DLGAP2: variants seen among roughly 807,000 people sequenced by gnomAD.
The protein encoded by DLGAP2 is DLG associated protein 2, also known as disks large-associated protein 2.
Under a neutral mutation model 100.3 loss-of-function variants are expected in DLGAP2, and 26 were observed. The observed-to-expected ratio is 0.26, with a 90% confidence interval of 0.19 to 0.36. The LOEUF (loss-of-function observed/expected upper bound fraction) is 0.36, where lower values mean the gene tolerates loss of function less well. Among genes scored for constraint, DLGAP2 ranks in the 10% least tolerant of loss-of-function variants. The pLI, the probability that DLGAP2 is intolerant of heterozygous loss-of-function variation, is 1.00. For missense variants in DLGAP2, 1,858 were observed against 1,453.2 expected, an observed-to-expected ratio of 1.28 and a Z score of -4.53; for synonymous variants, 886 against 630.1, an observed-to-expected ratio of 1.41 and a Z score of -6.08.
intron 2 of DLGAP2, among the ~76,000 whole-genome samples, chr8:1,236,290 G>GCCGTGTCTAGTTCTCTCACATGGCA: frequency 2.3e-5 from 1 of 43,756 alleles, no homozygotes; most frequent in Admixed American, 2.4e-4. Context: ...CTCACATGGC[G>GCCGTGTCTAGTTCTCTCACATGGCA]CCGTGTCTAG....
At chr8:1,047,249 TG>T (rs1240210548) in intron 2 of DLGAP2, among the ~76,000 whole-genome samples, 1 of 152,224 alleles carries the variant, frequency 6.6e-6, no homozygotes, top group African/African-American at 2.4e-5. Flanking sequence ...ATGCAACCTT[TG>T]CGGTCTGGTT....
chr8:968,035 T>C (rs1008365560), intron 2 of DLGAP2, among the ~76,000 whole-genome samples: 1 of 151,322 alleles, frequency 6.6e-6, no homozygotes, highest in Admixed American at 6.6e-5. Context: ...TTTGCCCTCA[T>C]GCTGACACAG....
chr8:1,560,543 C>T (rs953158980), intron 5 of DLGAP2, among the ~76,000 whole-genome samples: 3 of 152,222 alleles, frequency 2.0e-5, no homozygotes, highest in Admixed American at 6.5e-5. Context: ...GCTGCATTGT[C>T]TTGGGGAAGC....
chr8:1,630,307 G>A (rs544181864), intron 7 of DLGAP2, among the ~76,000 whole-genome samples: 1 of 152,170 alleles, frequency 6.6e-6, no homozygotes, highest in Non-Finnish European at 1.5e-5. Context: ...AATTCTGGAA[G>A]GAAGGGGACA....
chr8:1,009,128 G>T (rs1219479604), intron 2 of DLGAP2, among the ~76,000 whole-genome samples: 2 of 152,202 alleles, frequency 1.3e-5, no homozygotes, highest in Admixed American at 1.3e-4. Context: ...GTGGCCGAGG[G>T]TGGTGTTCCT....
intron 2 of DLGAP2, among the ~76,000 whole-genome samples, chr8:1,079,060 C>T (rs538445833): frequency 2.0e-5 from 3 of 152,332 alleles, no homozygotes; most frequent in Non-Finnish European, 2.9e-5. Flanking sequence ...TCCTCACCAG[C>T]GTTTCATGCT....
chr8:1,023,333 G>A (rs1004977507), intron 2 of DLGAP2, among the ~76,000 whole-genome samples: 2 of 152,030 alleles, frequency 1.3e-5, no homozygotes, highest in African/African-American at 4.8e-5. Context: ...AGCTGTCTTC[G>A]CTCCTCTCTC....
At chr8:1,165,279 CAG>C (rs1796993098) in intron 2 of DLGAP2, among the ~76,000 whole-genome samples, 1 of 151,390 alleles carries the variant, frequency 6.6e-6, no homozygotes, top group Non-Finnish European at 1.5e-5. Flanking sequence ...GAGACAGAGA[CAG>C]AGATGGGGAG....
intron 2 of DLGAP2, among the ~76,000 whole-genome samples, chr8:1,111,562 C>G (rs766361966): frequency 1.3e-5 from 2 of 152,132 alleles, no homozygotes; most frequent in South Asian, 4.2e-4. Flanking sequence ...CTCCCATATG[C>G]CACCCTCCGA....
intron 3 of DLGAP2, among the ~76,000 whole-genome samples, chr8:1,356,201 G>T (rs1801846872): frequency 6.6e-6 from 1 of 152,042 alleles, no homozygotes; most frequent in Non-Finnish European, 1.5e-5. Context: ...CCCTGGAGAG[G>T]CTCCCTTTGA....
At chr8:1,202,960 G>A (rs10088716) in intron 2 of DLGAP2, among the ~76,000 whole-genome samples, 74,941 of 151,908 alleles carry the variant, frequency 0.49, 19,866 homozygotes, top group African/African-American at 0.69. Context: ...GAAGCTGAGC[G>A]ACATCACGGT....
At chr8:1,447,313 C>A (rs910798534) in intron 3 of DLGAP2, among the ~76,000 whole-genome samples, 1 of 152,178 alleles carries the variant, frequency 6.6e-6, no homozygotes, top group Admixed American at 6.6e-5. Context: ...TGAATTTTGT[C>A]AAAGGCCTTT....
At chr8:1,689,639 G>A (rs1799205873) in intron 12 of DLGAP2, among the ~76,000 whole-genome samples, 1 of 151,922 alleles carries the variant, frequency 6.6e-6, no homozygotes, top group Non-Finnish European at 1.5e-5. Context: ...TCTCCAGGGA[G>A]AGCAAAAAGA....
chr8:958,728 G>C (rs1024095704), intron 2 of DLGAP2, among the ~76,000 whole-genome samples: 13 of 152,100 alleles, frequency 8.5e-5, no homozygotes, highest in Non-Finnish European at 1.8e-4. Flanking sequence ...AAGGTTAGAA[G>C]AGTTTCAGTA....
intron 2 of DLGAP2, among the ~76,000 whole-genome samples, chr8:936,899 C>T (rs1206427575): frequency 1.3e-5 from 2 of 152,202 alleles, no homozygotes; most frequent in East Asian, 1.9e-4. Flanking sequence ...CGTTTCACCA[C>T]CGTGGACCAT....
At chr8:1,204,151 G>A (rs1371913893) in intron 2 of DLGAP2, among the ~76,000 whole-genome samples, 1 of 152,228 alleles carries the variant, frequency 6.6e-6, no homozygotes, top group Admixed American at 6.5e-5. Flanking sequence ...CCGGTCCACA[G>A]ACCAGAGTTT....
chr8:1,296,655 C>G (rs901532126), intron 3 of DLGAP2, among the ~76,000 whole-genome samples: 1 of 152,294 alleles, frequency 6.6e-6, no homozygotes, highest in Non-Finnish European at 1.5e-5. Flanking sequence ...GGAATTTTGG[C>G]AAATCCTGGG....
chr8:1,332,844 G>A (rs184117419), intron 3 of DLGAP2, among the ~76,000 whole-genome samples: 16 of 152,286 alleles, frequency 1.1e-4, no homozygotes, highest in East Asian at 1.9e-4. Flanking sequence ...ATGAAAATAC[G>A]TGGGCTTCTT....
At chr8:1,073,058 A>G (rs1803484497) in intron 2 of DLGAP2, among the ~76,000 whole-genome samples, 1 of 152,146 alleles carries the variant, frequency 6.6e-6, no homozygotes, top group Non-Finnish European at 1.5e-5. Context: ...TCATTATAGC[A>G]CCGTGCTTTA....
Sources: gnomAD v4.1 joint callset for allele counts (sites outside exome capture counted in the v4.1 genomes callset) on GRCh38, gnomAD v4.1.1 for gene constraint, MANE v1.5 for transcripts, NCBI Gene and HGNC (gene_info 2026-07-23, HGNC 2026-07-21) for gene names.